Variants in SLC2A9 observed in about 807,000 individuals in gnomAD.
The protein encoded by SLC2A9 is solute carrier family 2, facilitated glucose transporter member 9.
SLC2A9 carries 39 observed loss-of-function variants against 50.6 expected under a neutral mutation model. The observed-to-expected ratio is 0.77, with a 90% CI of 0.60 to 1.01. The LOEUF is 1.01. SLC2A9 is among the 50% of genes least tolerant of loss of function. The probability of loss-of-function intolerance (pLI) is 0.00; values close to 1 mark genes in which losing one functional copy is unlikely to be tolerated. For missense variants in SLC2A9, 686 were observed against 677.6 expected (o/e 1.01, Z -0.14); for synonymous variants, 324 against 276.9 (o/e 1.17, Z -1.69).
chr4:9,903,174 C>G (rs543370849), intron 8 of SLC2A9, among the ~76,000 whole-genome samples: 3 of 152,198 alleles, frequency 2.0e-5, no homozygotes, highest in Non-Finnish European at 4.4e-5. Context: ...TCCTGAGTTC[C>G]AGCAGTAAAC....
At chr4:10,006,145 C>T (rs764424494) in intron 2 of SLC2A9, among the ~76,000 whole-genome samples, 11 of 152,162 alleles carry the variant, frequency 7.2e-5, no homozygotes, top group Admixed American at 6.5e-5. Context: ...ACCATTATCT[C>T]CCAGGCCAGG....
At chr4:10,011,711 A>G (rs956320413) in intron 2 of SLC2A9, among the ~76,000 whole-genome samples, 1 of 152,258 alleles carries the variant, frequency 6.6e-6, no homozygotes, top group African/African-American at 2.4e-5. Flanking sequence ...GAAAGATACA[A>G]CTATGCCAAT....
rs896357429 is a variant in SLC2A9 at position 9,895,576 on chromosome 4, T to C, written c.1114-4865A>G. Reference sequence around the variant, plus strand: ...GACTCTGGAGCCATGGGGTCACCCATCCACTCAGCAGCCATTCACCCAGCA... The same window carrying C: ...GACTCTGGAGCCATGGGGTCACCCACCCACTCAGCAGCCATTCACCCAGCA... On this transcript the variant is annotated intron_variant, in intron 8 of 11. Transcript: ENST00000264784. 7.2e-5 allele frequency among the ~76,000 whole-genome samples: 11 copies of C among 152,176 alleles called. No individual in the cohort carries two copies. The East Asian group carries it at 2.1e-3, about 29-fold the overall frequency.
intron 10 of SLC2A9, among the ~76,000 whole-genome samples, chr4:9,873,227 TTGTG>T (rs564678582): frequency 5.0e-4 from 76 of 151,830 alleles, no homozygotes; most frequent in Non-Finnish European, 8.2e-4. Flanking sequence ...GTGTGTGTGT[TTGTG>T]TGTTTGCTCC....
intron 5 of SLC2A9, among the ~76,000 whole-genome samples, chr4:9,966,612 C>CA (rs11381848): frequency 0.48 from 73,416 of 151,894 alleles, 19,071 homozygotes; most frequent in African/African-American, 0.67. Context: ...AAGGTCGAGC[C>CA]CTGCACTCCA....
upstream of SLC2A9, chr4:10,025,972 A>T (rs1414150513): frequency 1.9e-6 from 3 of 1,613,872 alleles, no homozygotes; most frequent in African/African-American, 4.0e-5. Flanking sequence ...TTCATGGTTC[A>T]CTTTTCAGGT....
intron 1 of SLC2A9, among the ~76,000 whole-genome samples, chr4:10,028,071 C>T (rs551841029): frequency 9.2e-5 from 14 of 152,278 alleles, no homozygotes; most frequent in African/African-American, 3.1e-4. Context: ...TCTGCCTGGG[C>T]CCCTCCAGGA....
At chr4:9,930,781 G>C (rs1035332275) in intron 6 of SLC2A9, among the ~76,000 whole-genome samples, 17 of 152,242 alleles carry the variant, frequency 1.1e-4, no homozygotes, top group African/African-American at 4.1e-4. Flanking sequence ...AGAACTGCCT[G>C]ATGGATGTGT....
intron 10 of SLC2A9, among the ~76,000 whole-genome samples, chr4:9,885,297 G>T (rs1735995016): frequency 6.6e-6 from 1 of 152,176 alleles, no homozygotes; most frequent in African/African-American, 2.4e-5. Flanking sequence ...AAAGGCTTGA[G>T]AAATTGATAA....
At chr4:9,782,719 G>C (rs751508044) in intron 3 of SLC2A9, 3 of 1,613,852 alleles carry the variant, frequency 1.9e-6, no homozygotes, top group Admixed American at 1.7e-5. Context: ...TCTCTTCCTC[G>C]CTCATCAGCT....
intron 6 of SLC2A9, among the ~76,000 whole-genome samples, chr4:9,921,533 C>T (rs1421435501): frequency 6.6e-6 from 1 of 152,266 alleles, no homozygotes; most frequent in Non-Finnish European, 1.5e-5. Context: ...ATCCCTAAAA[C>T]ATGGCTCCGC....
intron 10 of SLC2A9, among the ~76,000 whole-genome samples, chr4:9,882,289 T>C (rs946466842): frequency 5.3e-5 from 8 of 152,110 alleles, no homozygotes; most frequent in Admixed American, 2.0e-4. Context: ...CATTTCTCCT[T>C]GGAATAGTTT....
At chr4:9,842,916 G>T (rs536124713) in intron 10 of SLC2A9, among the ~76,000 whole-genome samples, 1 of 152,226 alleles carries the variant, frequency 6.6e-6, no homozygotes, top group Admixed American at 6.5e-5. Context: ...AAGAGTGCAG[G>T]GAGGTGAAAG....
intron 1 of SLC2A9, among the ~76,000 whole-genome samples, chr4:10,037,771 A>AAC (rs1484708302): frequency 6.6e-6 from 1 of 152,088 alleles, no homozygotes; most frequent in Non-Finnish European, 1.5e-5. Flanking sequence ...CGACATGGTG[A>AAC]AACCCTGTCT....
intron 2 of SLC2A9, among the ~76,000 whole-genome samples, chr4:10,005,258 G>A (rs1490581786): frequency 6.6e-6 from 1 of 152,232 alleles, no homozygotes; most frequent in Non-Finnish European, 1.5e-5. Flanking sequence ...CTCAGTTACA[G>A]GACGACAGGC....
chr4:9,858,526 A>G (rs530152060), intron 10 of SLC2A9, among the ~76,000 whole-genome samples: 87 of 152,286 alleles, frequency 5.7e-4, no homozygotes, highest in Non-Finnish European at 1.1e-3. Flanking sequence ...GAGTAGAGAC[A>G]CTATGCTGTT....
chr4:9,781,498 G>C (rs990007166), intron 3 of SLC2A9, among the ~76,000 whole-genome samples: 6 of 152,298 alleles, frequency 3.9e-5, no homozygotes, highest in African/African-American at 1.2e-4. Context: ...CGGACCTGCG[G>C]GATCGCCCCT....
chr4:10,023,735 CT>C (rs937798094), upstream of SLC2A9, among the ~76,000 whole-genome samples: 1 of 152,210 alleles, frequency 6.6e-6, no homozygotes, highest in Non-Finnish European at 1.5e-5. Flanking sequence ...GTGCACAGGG[CT>C]TTCCCAAGTG....
At chr4:9,869,917 T>C (rs1568318) in intron 10 of SLC2A9, among the ~76,000 whole-genome samples, 38,238 of 152,164 alleles carry the variant, frequency 0.25, 5,334 homozygotes, top group Admixed American at 0.37. Context: ...ATGGCAAACA[T>C]ATGATTAGGT....
Sources: allele counts gnomAD v4.1 joint callset (sites outside exome capture counted in the v4.1 genomes callset), GRCh38; gene constraint gnomAD v4.1.1; transcripts MANE v1.5; gene names NCBI Gene and HGNC (gene_info 2026-07-23, HGNC 2026-07-21).